The following MED12L variants were observed in gnomAD, a reference collection of about 807,000 sequenced individuals.
MED12L encodes mediator of RNA polymerase II transcription subunit 12-like protein.
Under a neutral mutation model 281.3 loss-of-function variants are expected in MED12L, and 60 were observed. The ratio of observed to expected loss-of-function variants is 0.21; its 90% confidence interval spans 0.17 to 0.26. The LOEUF is 0.26. MED12L is among the 10% of genes least tolerant of loss of function. The pLI, the probability that MED12L is intolerant of heterozygous loss-of-function variation, is 1.00. For synonymous variants in MED12L, 974 were observed against 987.2 expected, an observed-to-expected ratio of 0.99 and a Z score of 0.25; for missense variants, 2,146 against 2,680.9, an observed-to-expected ratio of 0.80 and a Z score of 4.41.
At chr3:151,338,402 G>A in intron 16 of MED12L, 2 of 1,614,120 alleles carry the variant, frequency 1.2e-6, no homozygotes, top group Non-Finnish European at 1.7e-6. Flanking sequence ...TGAATGCCCA[G>A]ATGACAACAG....
chr3:151,221,195 G>A (rs1159552698), intron 16 of MED12L, among the ~76,000 whole-genome samples: 1 of 152,156 alleles, frequency 6.6e-6, no homozygotes. Flanking sequence ...AAATTTCTAA[G>A]CAGCAAAGCA....
At chr3:151,192,509 C>A (rs1466806250) in intron 14 of MED12L, 41 bp from the exon 15 acceptor site, 1 of 1,402,116 alleles carries the variant, frequency 7.1e-7, no homozygotes, top group Non-Finnish European at 9.8e-7. Flanking sequence ...TGATGAACTC[C>A]AAAACTTACA....
intron 16 of MED12L, chr3:151,270,078 A>T (rs932739337): frequency 3.6e-5 from 8 of 222,972 alleles, no homozygotes; most frequent in Non-Finnish European, 6.2e-5. Flanking sequence ...AAGATGAAGA[A>T]GATGAAGATG....
chr3:151,141,831 G>A (rs895159512), intron 5 of MED12L, among the ~76,000 whole-genome samples: 1 of 152,150 alleles, frequency 6.6e-6, no homozygotes, highest in African/African-American at 2.4e-5. Context: ...TTGTCACTTT[G>A]GGTGAATGGT....
chr3:151,168,963 A>G (rs1274949089), intron 11 of MED12L, among the ~76,000 whole-genome samples: 1 of 152,094 alleles, frequency 6.6e-6, no homozygotes, highest in East Asian at 1.9e-4. Flanking sequence ...GGTGTGAGCC[A>G]GTGTGCCTGG....
intron 16 of MED12L, chr3:151,329,573 CT>C: frequency 7.2e-7 from 1 of 1,386,108 alleles, no homozygotes; most frequent in Non-Finnish European, 1.0e-6. Flanking sequence ...GTTCTGCTTT[CT>C]TATAGTGGAT....
At chr3:151,186,250 G>C (rs1283792120) in intron 12 of MED12L, among the ~76,000 whole-genome samples, 1 of 152,130 alleles carries the variant, frequency 6.6e-6, no homozygotes, top group Non-Finnish European at 1.5e-5. Flanking sequence ...ATGGCTATGG[G>C]GAATGTGTGT....
chr3:151,239,757 G>C (rs1733698058), intron 16 of MED12L, among the ~76,000 whole-genome samples: 1 of 152,138 alleles, frequency 6.6e-6, no homozygotes, highest in African/African-American at 2.4e-5. Context: ...TTTCTGATAA[G>C]AGATTTTGTT....
chr3:151,369,524 T>A lies in MED12L; in HGVS notation c.3639T>A (p.Ala1213=). The change falls in exon 26 of 45, where the codon GCT becomes GCA. Residue 1213 remains alanine (A), a synonymous_variant. Coordinates refer to ENST00000687756, the MANE Select transcript of MED12L (RefSeq NM_001393769.1). ...HNSIEVGAVF[A]VLKAIMMLGD... ...GCATTGAAGTGGGAGCCGTGTTTGCTGTCTTAAAAGCAATTATGATGCTTG... is the reference window on the plus strand; with the variant it reads ...GCATTGAAGTGGGAGCCGTGTTTGCAGTCTTAAAAGCAATTATGATGCTTG... 6.2e-7 allele frequency: 1 copy of A among 1,611,510 alleles called. No homozygotes were observed. Among genetic ancestry groups the A allele is most frequent in the Non-Finnish European group, 8.5e-7 (1 of 1,178,222 alleles).
intron 16 of MED12L, chr3:151,300,307 G>A (rs894817120): frequency 1.7e-6 from 1 of 599,326 alleles, no homozygotes; most frequent in Non-Finnish European, 3.0e-6. Context: ...CAGAAAGCAT[G>A]TGCTCTTTGG....
intron 16 of MED12L, among the ~76,000 whole-genome samples, chr3:151,214,762 C>G (rs1023392033): frequency 1.3e-5 from 2 of 152,082 alleles, no homozygotes; most frequent in African/African-American, 4.8e-5. Flanking sequence ...AATAATGGTT[C>G]CCTATAAAAC....
At chr3:151,258,459 C>T (rs995185014) in intron 16 of MED12L, among the ~76,000 whole-genome samples, 2 of 152,106 alleles carry the variant, frequency 1.3e-5, no homozygotes, top group African/African-American at 4.8e-5. Context: ...CTGAGGCTGG[C>T]CCTGGGTTAA....
intron 16 of MED12L, among the ~76,000 whole-genome samples, chr3:151,281,933 C>T (rs868504145): frequency 9.2e-5 from 14 of 152,174 alleles, no homozygotes; most frequent in Middle Eastern, 3.2e-3. Context: ...CTATCCAGGC[C>T]GTCATCGACT....
intron 43 of MED12L, among the ~76,000 whole-genome samples, chr3:151,429,443 A>C (rs1719219894): frequency 6.6e-6 from 1 of 152,202 alleles, no homozygotes; most frequent in Admixed American, 6.5e-5. Flanking sequence ...GTGACAGACC[A>C]GGAGGAGAGA....
intron 16 of MED12L, among the ~76,000 whole-genome samples, chr3:151,277,562 A>G (rs1742105748): frequency 6.6e-6 from 1 of 152,214 alleles, no homozygotes. Flanking sequence ...ATATGTAGAC[A>G]AGATGGATTG....
At chr3:151,196,334 TA>T (rs940017131) in intron 16 of MED12L, among the ~76,000 whole-genome samples, 5 of 152,202 alleles carry the variant, frequency 3.3e-5, no homozygotes, top group African/African-American at 4.8e-5. Context: ...TATGCTAATA[TA>T]ACACTGACTT....
chr3:151,368,624 T>C lies in MED12L; in HGVS notation c.3550+373T>C, dbSNP rs77846296. On this transcript the variant is annotated intron_variant, in intron 25 of 44. Transcript: ENST00000687756. Reference sequence around the variant, plus strand: ...TATTTTATTTTATTTTATTTTATTTTATTTTATTTCATTTCATTTCATTTC... The same window carrying C: ...TATTTTATTTTATTTTATTTTATTTCATTTTATTTCATTTCATTTCATTTC... Among the ~76,000 whole-genome samples, 233 of 85,498 alleles carry C rather than the reference T, an allele frequency of 2.7e-3. 7 individuals are homozygous for C. The East Asian group carries it at 0.041, about 15-fold the overall frequency. 56.1% of individuals were successfully genotyped at this position (85,498 alleles called of 152,430 possible). A position where few individuals can be genotyped will look rare whatever the true frequency, so the allele number is the denominator to read the frequency against.
intron 2 of MED12L, among the ~76,000 whole-genome samples, chr3:151,098,668 A>G (rs958819851): frequency 9.9e-5 from 15 of 152,204 alleles, no homozygotes; most frequent in East Asian, 1.9e-4. Flanking sequence ...CAGATAATCT[A>G]TGATGATCTC....
intron 5 of MED12L, 136 bp downstream of exon 5, chr3:151,128,120 A>G (rs566511804): frequency 1.4e-6 from 1 of 699,250 alleles, no homozygotes; most frequent in Non-Finnish European, 2.4e-6. Context: ...TCGGGTATGG[A>G]TAGGGCAGCT....
Sources: gnomAD v4.1 joint callset for allele counts (sites outside exome capture counted in the v4.1 genomes callset) on GRCh38, gnomAD v4.1.1 for gene constraint, MANE v1.5 for transcripts, NCBI Gene and HGNC (gene_info 2026-07-23, HGNC 2026-07-21) for gene names.